Variants in ST3GAL3 observed in about 807,000 individuals in gnomAD.
ST3GAL3 encodes CMP-N-acetylneuraminate-beta-1,4-galactoside alpha-2,3-sialyltransferase.
A neutral mutation model predicts 50.1 loss-of-function variants in ST3GAL3; 21 were observed. The observed-to-expected ratio is 0.42, with a 90% confidence interval of 0.30 to 0.60. The LOEUF (loss-of-function observed/expected upper bound fraction) is 0.60. Among genes scored for constraint, ST3GAL3 ranks in the 20% least tolerant of loss-of-function variants. ST3GAL3 has a pLI of 0.19. For synonymous variants in ST3GAL3, 183 were observed against 190.0 expected, an observed-to-expected ratio of 0.96 and a Z score of 0.30; for missense variants, 353 against 489.4, an observed-to-expected ratio of 0.72 and a Z score of 2.63.
At chr1:43,900,669 A>G (rs783302) in intron 9 of ST3GAL3, 111,140 of 152,222 alleles carry the variant, frequency 0.73, 44,808 homozygotes, top group Non-Finnish European at 0.89. Context: ...TGTTCTTTCC[A>G]GAGGTTTAGA....
At chr1:43,778,644 C>CTTTT (rs35726867) in intron 2 of ST3GAL3, among the ~76,000 whole-genome samples, 10 of 118,706 alleles carry the variant, frequency 8.4e-5, no homozygotes, top group Admixed American at 2.8e-4. Context: ...TTCTTTTTTT[C>CTTTT]TTTTTTTTTT....
At chr1:43,767,383 G>A (rs2154128933) in intron 2 of ST3GAL3, among the ~76,000 whole-genome samples, 1 of 152,144 alleles carries the variant, frequency 6.6e-6, no homozygotes. Context: ...TAATGAGTCA[G>A]GTCACAAAGG....
intron 2 of ST3GAL3, among the ~76,000 whole-genome samples, chr1:43,759,888 C>T (rs2154119749): frequency 6.6e-6 from 1 of 152,240 alleles, no homozygotes; most frequent in South Asian, 2.1e-4. Flanking sequence ...AATGTCTACT[C>T]AGGAGGTTGA....
intron 5 of ST3GAL3, among the ~76,000 whole-genome samples, chr1:43,884,283 C>T (rs1293589317): frequency 2.0e-5 from 3 of 152,224 alleles, no homozygotes; most frequent in Admixed American, 1.3e-4. Flanking sequence ...CTACCTCTCT[C>T]AGGACATATG....
At chr1:43,922,033 ATTCTCT>A (rs2154296047) in intron 11 of ST3GAL3, 1 of 308,522 alleles carries the variant, frequency 3.2e-6, no homozygotes, top group African/African-American at 2.1e-5. Flanking sequence ...ATTCTCTCAC[ATTCTCT>A]TTCTCAGCAT....
chr1:43,718,185 C>CT (rs57506461), intron 1 of ST3GAL3, among the ~76,000 whole-genome samples: 13,695 of 83,290 alleles, frequency 0.16, 4,356 homozygotes, highest in African/African-American at 0.61. Context: ...ATCATTAAAT[C>CT]TTTTTTTTTT....
At chr1:43,752,569 C>T (rs563348128) in intron 2 of ST3GAL3, among the ~76,000 whole-genome samples, 6 of 152,278 alleles carry the variant, frequency 3.9e-5, no homozygotes, top group East Asian at 1.9e-4. Context: ...GGCACAATCA[C>T]GGCTCACTGC....
rs963661261 is a variant in ST3GAL3, at chr1:43,759,761, A to G, written c.118+23381A>G. ...TATTATAGTTGTCATTATATTTCTC[A>G]CTGCCACACGTGGTAGGAAATAAAA... On this transcript the variant is annotated intron_variant, in intron 2 of 11. Transcript: ENST00000347631. Among the ~76,000 whole-genome samples, 3 of 152,174 alleles carry G rather than the reference A, an allele frequency of 2.0e-5. No homozygotes were observed. In the East Asian group the frequency reaches 5.8e-4, roughly 29 times the overall value.
intron 5 of ST3GAL3, among the ~76,000 whole-genome samples, chr1:43,854,076 G>A (rs1305609361): frequency 6.6e-6 from 1 of 152,124 alleles, no homozygotes; most frequent in African/African-American, 2.4e-5. Flanking sequence ...AGATTGAGAG[G>A]CGTCCTTGCC....
chr1:43,852,520 A>G (rs1487256434), intron 5 of ST3GAL3, among the ~76,000 whole-genome samples: 2 of 152,212 alleles, frequency 1.3e-5, no homozygotes, highest in African/African-American at 4.8e-5. Context: ...GGCATGGTCT[A>G]TTCATGGCTG....
intron 2 of ST3GAL3, among the ~76,000 whole-genome samples, chr1:43,769,136 A>T (rs1315834770): frequency 2.6e-5 from 4 of 152,258 alleles, no homozygotes; most frequent in Non-Finnish European, 5.9e-5. Context: ...TCATAGGTTA[A>T]ATAGATTTTT....
chr1:43,830,625 G>A (rs2063416815), intron 4 of ST3GAL3, among the ~76,000 whole-genome samples: 1 of 152,174 alleles, frequency 6.6e-6, no homozygotes, highest in South Asian at 2.1e-4. Flanking sequence ...ACCTATAGAA[G>A]AATTGAACAG....
At chr1:43,862,283 T>TCCTGCCCTGGAGCTCCC (rs2070184299) in intron 5 of ST3GAL3, among the ~76,000 whole-genome samples, 1 of 152,240 alleles carries the variant, frequency 6.6e-6, no homozygotes, top group Non-Finnish European at 1.5e-5. Context: ...GTGAAGCTTT[T>TCCTGCCCTGGAGCTCCC]CCTGCCCTGG....
chr1:43,717,869 G>T (rs6429636), intron 1 of ST3GAL3, among the ~76,000 whole-genome samples: 103,510 of 151,568 alleles, frequency 0.68, 35,660 homozygotes, highest in East Asian at 0.73. Flanking sequence ...TACCTATCAT[G>T]AATTTTTTTT....
At chr1:43,846,498 G>A (rs2066276435) in intron 5 of ST3GAL3, among the ~76,000 whole-genome samples, 1 of 152,090 alleles carries the variant, frequency 6.6e-6, no homozygotes. Flanking sequence ...TGGGGTTTTT[G>A]CAATTACTTT....
intron 5 of ST3GAL3, among the ~76,000 whole-genome samples, chr1:43,867,393 G>A (rs2071599654): frequency 6.6e-6 from 1 of 152,192 alleles, no homozygotes; most frequent in Non-Finnish European, 1.5e-5. Context: ...TGACTTTTGG[G>A]AGGAGGAAAG....
intron 3 of ST3GAL3, among the ~76,000 whole-genome samples, chr1:43,808,540 G>T (rs567100856): frequency 3.3e-5 from 5 of 152,324 alleles, no homozygotes; most frequent in South Asian, 2.1e-4. Context: ...ACTGATCTCT[G>T]AAAGAAGGGA....
chr1:43,776,025 T>C (rs1383576209), intron 2 of ST3GAL3, among the ~76,000 whole-genome samples: 1 of 152,172 alleles, frequency 6.6e-6, no homozygotes, highest in Non-Finnish European at 1.5e-5. Flanking sequence ...TTGTAGATAA[T>C]AGTTTTCTTG....
chr1:43,862,745 C>CAA (rs749080973), intron 5 of ST3GAL3, among the ~76,000 whole-genome samples: 14 of 104,392 alleles, frequency 1.3e-4, no homozygotes, highest in African/African-American at 2.3e-4. Flanking sequence ...CTGTCTCTAC[C>CAA]AAAAAAAAAA....
Sources: allele counts gnomAD v4.1 joint callset (sites outside exome capture counted in the v4.1 genomes callset), GRCh38; gene constraint gnomAD v4.1.1; transcripts MANE v1.5; gene names NCBI Gene and HGNC (gene_info 2026-07-23, HGNC 2026-07-21).